Variants in UNC5D observed in about 807,000 individuals in gnomAD.
UNC5D encodes netrin receptor UNC5D.
Under a neutral mutation model 105.4 loss-of-function variants are expected in UNC5D, and 39 were observed. The ratio of observed to expected loss-of-function variants is 0.37; its 90% confidence interval spans 0.29 to 0.48. UNC5D has a LOEUF of 0.48. UNC5D is among the 20% of genes least tolerant of loss of function. The pLI is 0.98. For synonymous variants in UNC5D, 452 were observed against 450.4 expected, an observed-to-expected ratio of 1.00 and a Z score of -0.04; for missense variants, 991 against 1,202.4, an observed-to-expected ratio of 0.82 and a Z score of 2.60.
At chr8:35,741,379 T>C (rs1414138490) in intron 11 of UNC5D, among the ~76,000 whole-genome samples, 1 of 151,764 alleles carries the variant, frequency 6.6e-6, no homozygotes, top group African/African-American at 2.4e-5. Context: ...GATAATAGCG[T>C]GTGGGTGACC....
At chr8:35,625,608 A>T (rs907839809) in intron 4 of UNC5D, among the ~76,000 whole-genome samples, 2 of 152,182 alleles carry the variant, frequency 1.3e-5, no homozygotes, top group African/African-American at 4.8e-5. Flanking sequence ...CTTGCTGAAG[A>T]AAAAAAGGGG....
chr8:35,406,170 A>T (rs551951253), intron 1 of UNC5D, among the ~76,000 whole-genome samples: 1 of 152,270 alleles, frequency 6.6e-6, no homozygotes, highest in African/African-American at 2.4e-5. Context: ...CCTTCCAATT[A>T]TAATTACTTT....
At chr8:35,502,142 C>T (rs987463467) in intron 1 of UNC5D, among the ~76,000 whole-genome samples, 1 of 152,146 alleles carries the variant, frequency 6.6e-6, no homozygotes, top group South Asian at 2.1e-4. Context: ...CAATTATAAA[C>T]ATGTTTTATG....
At chr8:35,533,614 G>T (rs1337256665) in intron 1 of UNC5D, among the ~76,000 whole-genome samples, 5 of 152,246 alleles carry the variant, frequency 3.3e-5, no homozygotes, top group Non-Finnish European at 7.3e-5. Flanking sequence ...ACCTAAGCAA[G>T]CCTGGACAAT....
In UNC5D at chr8:35,278,399, T is replaced by A. The variant is rs541322280; in HGVS notation, c.103+42512T>A. On this transcript the variant is annotated intron_variant, in intron 1 of 16. Coordinates refer to ENST00000404895, the MANE Select transcript of UNC5D (RefSeq NM_080872.4). ...TCAGTCTGACTCCATCTGCTTTATA[T>A]CTAGCAAAAAAATCCTTGTTCTTTT... 7.9e-5 allele frequency among the ~76,000 whole-genome samples: 12 copies of A among 152,196 alleles called. No individual in the cohort carries two copies. The South Asian group carries it at 2.5e-3, about 32-fold the overall frequency.
chr8:35,357,437 T>C (rs575651058), intron 1 of UNC5D, among the ~76,000 whole-genome samples: 1 of 152,256 alleles, frequency 6.6e-6, no homozygotes, highest in South Asian at 2.1e-4. Context: ...CACTTTTCAC[T>C]TTGCTTTGCT....
intron 1 of UNC5D, among the ~76,000 whole-genome samples, chr8:35,332,929 G>T (rs1290457513): frequency 2.6e-5 from 4 of 152,224 alleles, no homozygotes; most frequent in African/African-American, 9.7e-5. Context: ...GCTCTTCTGA[G>T]TGGGGTGAAC....
At chr8:35,394,427 AAAT>A (rs1585740831) in intron 1 of UNC5D, among the ~76,000 whole-genome samples, 1 of 152,172 alleles carries the variant, frequency 6.6e-6, no homozygotes, top group African/African-American at 2.4e-5. Flanking sequence ...ATTTCATTTT[AAAT>A]AATATTCAAA....
chr8:35,305,577 T>TTCTGTCTC (rs1339138456), intron 1 of UNC5D, among the ~76,000 whole-genome samples: 1 of 53,998 alleles, frequency 1.9e-5, no homozygotes, highest in Non-Finnish European at 4.5e-5. Context: ...CTTTCTTTCT[T>TTCTGTCTC]TTTCTTTCTT....
chr8:35,337,670 A>T (rs2128898862), intron 1 of UNC5D, among the ~76,000 whole-genome samples: 1 of 152,186 alleles, frequency 6.6e-6, no homozygotes, highest in East Asian at 1.9e-4. Flanking sequence ...TCTCTCAAGC[A>T]AACTCAACTT....
At chr8:35,568,603 C>T (rs761863575) in intron 3 of UNC5D, among the ~76,000 whole-genome samples, 1 of 152,212 alleles carries the variant, frequency 6.6e-6, no homozygotes, top group Non-Finnish European at 1.5e-5. Context: ...GCAAGAGAAT[C>T]GCTTGAACCC....
At chr8:35,765,162 G>A (rs1801710490) in intron 14 of UNC5D, among the ~76,000 whole-genome samples, 1 of 152,220 alleles carries the variant, frequency 6.6e-6, no homozygotes, top group Admixed American at 6.5e-5. Context: ...TAGGGGGGCA[G>A]TGATGGCTTC....
chr8:35,580,488 G>GA (rs1818411066), intron 3 of UNC5D, among the ~76,000 whole-genome samples: 2 of 151,926 alleles, frequency 1.3e-5, no homozygotes, highest in South Asian at 4.1e-4. Flanking sequence ...GAACATGAGT[G>GA]AAAATCTGTA....
At chr8:35,684,175 A>AAAAG (rs1207722094) in intron 5 of UNC5D, among the ~76,000 whole-genome samples, 2 of 152,208 alleles carry the variant, frequency 1.3e-5, no homozygotes, top group Non-Finnish European at 2.9e-5. Context: ...GGTATTGTAT[A>AAAAG]AAAGAAGTTC....
intron 1 of UNC5D, among the ~76,000 whole-genome samples, chr8:35,249,048 A>C (rs1304675839): frequency 1.1e-3 from 123 of 113,214 alleles, no homozygotes; most frequent in African/African-American, 4.3e-3. Flanking sequence ...ATATTATATA[A>C]AAATAATATA....
intron 1 of UNC5D, among the ~76,000 whole-genome samples, chr8:35,439,192 A>G (rs943274908): frequency 2.0e-5 from 3 of 152,068 alleles, no homozygotes; most frequent in African/African-American, 4.8e-5. Context: ...TAGGCTGTCC[A>G]TAAATCATCG....
intron 1 of UNC5D, among the ~76,000 whole-genome samples, chr8:35,253,115 T>C (rs1323868514): frequency 1.3e-5 from 2 of 151,982 alleles, no homozygotes; most frequent in African/African-American, 2.4e-5. Context: ...TGTGTGTGTG[T>C]GTGTGTGCGT....
chr8:35,723,127 T>C (rs1828671369), intron 9 of UNC5D, among the ~76,000 whole-genome samples: 1 of 152,222 alleles, frequency 6.6e-6, no homozygotes, highest in African/African-American at 2.4e-5. Flanking sequence ...TGAAGTTTTC[T>C]ACCTTGACCC....
intron 1 of UNC5D, among the ~76,000 whole-genome samples, chr8:35,401,302 A>C (rs1464123027): frequency 6.6e-6 from 1 of 151,994 alleles, no homozygotes; most frequent in Admixed American, 6.6e-5. Flanking sequence ...TGGCCAACAT[A>C]ATGAAATCCC....
Sources: allele counts gnomAD v4.1 joint callset (sites outside exome capture counted in the v4.1 genomes callset), GRCh38; gene constraint gnomAD v4.1.1; transcripts MANE v1.5; gene names NCBI Gene and HGNC (gene_info 2026-07-23, HGNC 2026-07-21).